Variants in SLC2A9 observed in about 807,000 individuals in gnomAD.
The protein encoded by SLC2A9 is solute carrier family 2, facilitated glucose transporter member 9.
SLC2A9 carries 39 observed loss-of-function variants against 50.6 expected under a neutral mutation model. The ratio of observed to expected loss-of-function variants is 0.77; its 90% CI spans 0.60 to 1.01. The LOEUF (loss-of-function observed/expected upper bound fraction) is 1.01. SLC2A9 is among the 50% of genes least tolerant of loss of function. The pLI is 0.00. For synonymous variants in SLC2A9, 324 were observed against 276.9 expected (o/e 1.17, Z -1.69); for missense variants, 686 against 677.6 (o/e 1.01, Z -0.14).
upstream of SLC2A9, among the ~76,000 whole-genome samples, chr4:10,023,121 A>T (rs115945847): frequency 6.6e-6 from 1 of 152,352 alleles, no homozygotes; most frequent in South Asian, 2.1e-4. Context: ...CATCAATCTC[A>T]GCTGGATCTT....
chr4:9,838,353 A>T lies in SLC2A9; in HGVS notation c.1292-3345T>A, dbSNP rs577611191. On this transcript the variant is annotated intron_variant, in intron 10 of 11. Transcript: ENST00000264784. The stretch of plus-strand genomic sequence containing the variant: ...GAGAACTACAAACCACTGCTTAAAG[A>T]AATCATAGATGGCACAAACAAATGG... 8.1e-4 allele frequency among the ~76,000 whole-genome samples: 123 copies of T among 152,342 alleles called. No individual in the cohort carries two copies. The East Asian group carries it at 0.019, about 23-fold the overall frequency.
At chr4:9,924,382 G>A (rs182309630) in intron 6 of SLC2A9, among the ~76,000 whole-genome samples, 3 of 152,296 alleles carry the variant, frequency 2.0e-5, no homozygotes, top group East Asian at 1.9e-4. Context: ...AGCAGCCCTC[G>A]GTTAAGACAA....
chr4:9,831,178 G>C (rs775005156), intron 11 of SLC2A9, among the ~76,000 whole-genome samples: 27 of 152,176 alleles, frequency 1.8e-4, no homozygotes, highest in Non-Finnish European at 3.7e-4. Context: ...AGTTGTGTGA[G>C]TAGTTTCTCT....
chr4:10,032,705 A>T (rs1471811875), intron 1 of SLC2A9, among the ~76,000 whole-genome samples: 2 of 152,152 alleles, frequency 1.3e-5, no homozygotes, highest in African/African-American at 4.8e-5. Flanking sequence ...GGCCATGGTC[A>T]ACAGGAGACC....
chr4:9,958,178 T>C (rs1254735844), intron 5 of SLC2A9, among the ~76,000 whole-genome samples: 2 of 152,246 alleles, frequency 1.3e-5, no homozygotes, highest in African/African-American at 4.8e-5. Context: ...CTAGCCTAAC[T>C]ATCTACTGGG....
chr4:10,024,412 T>C (rs112430423), upstream of SLC2A9, among the ~76,000 whole-genome samples: 2,492 of 152,314 alleles, frequency 0.016, 34 homozygotes, highest in South Asian at 0.026. Flanking sequence ...TATTCCAGTA[T>C]GCCTGGTGTC....
chr4:9,929,024 A>C (rs909388271), intron 6 of SLC2A9, among the ~76,000 whole-genome samples: 1 of 152,228 alleles, frequency 6.6e-6, no homozygotes, highest in Non-Finnish European at 1.5e-5. Flanking sequence ...CGCTTCATCA[A>C]GTTCAGCCAG....
At chr4:9,924,954 C>T (rs1409990221) in intron 6 of SLC2A9, among the ~76,000 whole-genome samples, 4 of 152,212 alleles carry the variant, frequency 2.6e-5, no homozygotes. Context: ...GGCTAATCCC[C>T]AGGAAGATGA....
chr4:9,891,483 C>A (rs1332526080), intron 8 of SLC2A9, among the ~76,000 whole-genome samples: 2 of 152,182 alleles, frequency 1.3e-5, no homozygotes, highest in Admixed American at 1.3e-4. Flanking sequence ...TTATCTGTGA[C>A]AAGAGAATCA....
At chr4:9,868,911 C>A (rs1048252) in intron 10 of SLC2A9, among the ~76,000 whole-genome samples, 1 of 152,068 alleles carries the variant, frequency 6.6e-6, no homozygotes, top group South Asian at 2.1e-4. Context: ...GAACACCCCC[C>A]AAAGGCATGG....
chr4:9,955,091 G>A lies in SLC2A9; in HGVS notation c.682-13046C>T, dbSNP rs78768193. ...TGCACAACGTCAGTAAACACACGGC[G>A]TGTGCGGCCCCTCCTAAGTGCTGGC... On this transcript the variant is annotated intron_variant, in intron 5 of 11. Coordinates refer to ENST00000264784, the MANE Select transcript of SLC2A9 (RefSeq NM_020041.3). Among the ~76,000 whole-genome samples, 325 of 152,244 alleles carry A rather than the reference G, an allele frequency of 2.1e-3. 1 individual carries two copies. The highest frequency in any genetic ancestry group is 3.4e-3 in the Middle Eastern group (1 of 294).
intron 3 of SLC2A9, among the ~76,000 whole-genome samples, chr4:9,809,805 C>T (rs1411736298): frequency 6.6e-6 from 1 of 151,886 alleles, no homozygotes; most frequent in Non-Finnish European, 1.5e-5. Context: ...TTAACTTATC[C>T]CAACCTATAC....
chr4:9,998,063 A>T (rs1398362089), intron 2 of SLC2A9, among the ~76,000 whole-genome samples: 2 of 152,238 alleles, frequency 1.3e-5, no homozygotes, highest in South Asian at 4.1e-4. Context: ...CAACAGAGAA[A>T]TGAGACCACA....
chr4:9,899,004 CTCTCTCTCTT>C (rs1739108089), intron 8 of SLC2A9, among the ~76,000 whole-genome samples: 1 of 152,212 alleles, frequency 6.6e-6, no homozygotes, highest in African/African-American at 2.4e-5. Context: ...CTCCCCCTCT[CTCTCTCTCTT>C]TCTCTCTTTC....
intron 5 of SLC2A9, among the ~76,000 whole-genome samples, chr4:9,957,098 T>A (rs1751444153): frequency 6.6e-6 from 1 of 152,040 alleles, no homozygotes; most frequent in African/African-American, 2.4e-5. Context: ...TTTAGCCTCA[T>A]GCCCTTTATT....
chr4:9,796,692 C>T (rs10015812), downstream of SLC2A9, among the ~76,000 whole-genome samples: 54 of 152,162 alleles, frequency 3.5e-4, no homozygotes, highest in Admixed American at 3.5e-3. Flanking sequence ...CTACAGGGCT[C>T]TTCTGGGCTT....
intron 5 of SLC2A9, among the ~76,000 whole-genome samples, chr4:9,955,792 TA>T (rs2092471138): frequency 1.3e-5 from 2 of 151,288 alleles, no homozygotes; most frequent in South Asian, 2.1e-4. Context: ...GGGTCAGTAT[TA>T]ACCTTTTGAG....
chr4:9,780,690 G>T (rs1406568332), intron 3 of SLC2A9, among the ~76,000 whole-genome samples: 1 of 152,320 alleles, frequency 6.6e-6, no homozygotes, highest in Admixed American at 6.5e-5. Context: ...TGAGCTTAAC[G>T]CCAGTAGAGG....
chr4:9,997,005 G>A, intron 2 of SLC2A9, 64 bp from the exon 3 acceptor site: 5 of 1,594,534 alleles, frequency 3.1e-6, no homozygotes, highest in Non-Finnish European at 4.3e-6. Context: ...AAGCAAGCCA[G>A]TGTACAAAAC....
Sources: allele counts gnomAD v4.1 joint callset (sites outside exome capture counted in the v4.1 genomes callset), GRCh38; gene constraint gnomAD v4.1.1; transcripts MANE v1.5; gene names NCBI Gene and HGNC (gene_info 2026-07-23, HGNC 2026-07-21).